MLXIP: variants seen among roughly 807,000 people sequenced by gnomAD.
MLXIP encodes the protein MLX-interacting protein.
In MLXIP, 30 loss-of-function variants were observed where a neutral mutation model predicts 87.2. The observed-to-expected ratio is 0.34, with a 90% CI of 0.26 to 0.47. The LOEUF (loss-of-function observed/expected upper bound fraction) is 0.47. Among genes scored for constraint, MLXIP ranks in the 20% least tolerant of loss-of-function variants. MLXIP has a pLI of 1.00. For missense variants in MLXIP, 1,002 were observed against 1,240.1 expected, an observed-to-expected ratio of 0.81 and a Z score of 2.88; for synonymous variants, 530 against 514.0, an observed-to-expected ratio of 1.03 and a Z score of -0.42.
chr12:122,094,456 TTGG>T (rs1478097603), intron 1 of MLXIP, among the ~76,000 whole-genome samples: 1 of 129,160 alleles, frequency 7.7e-6, no homozygotes, highest in East Asian at 2.4e-4. Context: ...TGGTGTGGTA[TTGG>T]TGTGTGTGTG....
chr12:122,093,657 TTGATATGTGTGTGTGG>T (rs1437387000), intron 1 of MLXIP, among the ~76,000 whole-genome samples: 1 of 121,848 alleles, frequency 8.2e-6, no homozygotes. Flanking sequence ...GGTGTGTGTG[TTGATATGTGTGTGTGG>T]TGTATGTGTG....
rs972197578 is a variant in MLXIP, at chr12:122,137,288, T to C, written c.2033-181T>C. On this transcript the variant is annotated intron_variant, in intron 11 of 16. Transcript: ENST00000319080. This position sits in a 1 kb window ranked among gnomAD's most constrained non-coding sequence, Gnocchi z 4.1. ...AGGGTGTTTTTGTTGTTGTTATTAA[T>C]TTAAGATTTTCAGGGAGTGAATAAG... 1.2e-5 allele frequency: 7 copies of C among 583,472 alleles called. No homozygotes were observed. In the African/African-American group the frequency reaches 1.3e-4, roughly 11 times the overall value. 36.1% of individuals were successfully genotyped at this position (583,472 alleles called of 1,614,324 possible). A position where few individuals can be genotyped will look rare whatever the true frequency, so the allele number is the denominator to read the frequency against.
chr12:122,105,878 C>T (rs967039493), intron 1 of MLXIP, among the ~76,000 whole-genome samples: 2 of 152,050 alleles, frequency 1.3e-5, no homozygotes, highest in African/African-American at 4.8e-5. Flanking sequence ...TACTTTAGAA[C>T]CTGATGTGAC....
Position 122,142,350 on chromosome 12 carries a change from G to A in MLXIP, c.*538G>A, listed in dbSNP as rs1953224927. 1.7e-6 allele frequency: 1 copy of A among 593,380 alleles called. No homozygotes were observed. 36.8% of individuals were successfully genotyped at this position (593,380 alleles called of 1,614,324 possible). On this transcript the variant is annotated 3_prime_UTR_variant, in exon 17 of 17. Coordinates refer to ENST00000319080, the MANE Select transcript of MLXIP (RefSeq NM_014938.6). The stretch of plus-strand genomic sequence containing the variant: ...ACCCAGCCCTTGTGGATGGACTTGG[G>A]CTTCTATTCAGGCTTATGCATGGCA...
intron 1 of MLXIP, among the ~76,000 whole-genome samples, chr12:122,110,448 C>T (rs1337058094): frequency 6.6e-6 from 1 of 151,820 alleles, no homozygotes; most frequent in Non-Finnish European, 1.5e-5. Flanking sequence ...CCACCACGCC[C>T]GGCTAATTTT....
Position 122,146,231 on chromosome 12 carries a change from T to G in MLXIP, c.*4419T>G, listed in dbSNP as rs2031954838. On this transcript the variant is annotated 3_prime_UTR_variant, in exon 17 of 17. Coordinates refer to ENST00000319080, the MANE Select transcript of MLXIP (RefSeq NM_014938.6). ...TCTCTGCTTTGGGGGATTTTTACCT[T>G]GTCTGCACACTTGTCAGGGGAGAGG... 6.6e-6 allele frequency: 1 copy of G among 152,346 alleles called. No homozygotes were observed. Among genetic ancestry groups the G allele is most frequent in the African/African-American group, 2.4e-5 (1 of 41,442 alleles). 9.4% of individuals were successfully genotyped at this position (152,346 alleles called of 1,614,324 possible). A position where few individuals can be genotyped will look rare whatever the true frequency, so the allele number is the denominator to read the frequency against.
Position 122,129,123 on chromosome 12 carries a change from T to C in MLXIP, c.607-14T>C, listed in dbSNP as rs758748485. 1.3e-6 allele frequency: 2 copies of C among 1,598,192 alleles called. No individual in the cohort carries two copies. The highest frequency in any genetic ancestry group is 1.7e-5 in the Admixed American group (1 of 57,636). On this transcript the variant is annotated splice_polypyrimidine_tract_variant and intron_variant, in intron 3 of 16. Transcript: ENST00000319080. ...AGAGCCCCCTCTTCACTCTGCTCTC[T>C]GTCCCTGTCCTAGGCCATCACCACG...
At chr12:122,138,714 C>A in intron 14 of MLXIP, 101 bp from the exon 15 acceptor site, 1 of 1,520,540 alleles carries the variant, frequency 6.6e-7, no homozygotes, top group South Asian at 1.3e-5. Context: ...TTCTCTGTGC[C>A]TGGCTGTGGC....
chr12:122,140,891 C>T (rs563602243), intron 15 of MLXIP, 63 bp from the exon 16 acceptor site: 3 of 1,613,476 alleles, frequency 1.9e-6, no homozygotes, highest in Admixed American at 1.7e-5. Flanking sequence ...AGTCCAACCA[C>T]CTTCGGGTCT....
chr12:122,107,546 C>T (rs1266381912), intron 1 of MLXIP, among the ~76,000 whole-genome samples: 1 of 152,230 alleles, frequency 6.6e-6, no homozygotes, highest in Non-Finnish European at 1.5e-5. Flanking sequence ...ATTCTTTTTA[C>T]TGAGAACCTC....
intron 12 of MLXIP, 47 bp from the exon 13 acceptor site, chr12:122,138,145 AGT>A: frequency 1.3e-6 from 2 of 1,491,138 alleles, no homozygotes; most frequent in Non-Finnish European, 1.8e-6. Context: ...AAGGGTGGAC[AGT>A]GTGCCTGCAA....
chr12:122,134,339 T>TGTGC (rs1240869314), intron 9 of MLXIP: 9 of 288,674 alleles, frequency 3.1e-5, no homozygotes, highest in African/African-American at 9.1e-5. Flanking sequence ...GGATTACAGG[T>TGTGC]GTGCGCCACT....
At position 122,127,879 on chromosome 12, in the gene MLXIP, T is replaced by C; in HGVS notation, c.521-4T>C. The C allele has an allele frequency of 6.2e-7, 1 of 1,613,462 alleles. No homozygotes were observed. Among genetic ancestry groups the C allele is most frequent in the Middle Eastern group, 1.7e-4 (1 of 6,056 alleles). On this transcript the variant is annotated splice_polypyrimidine_tract_variant and splice_region_variant and intron_variant, in intron 2 of 16. Coordinates refer to ENST00000319080, the MANE Select transcript of MLXIP (RefSeq NM_014938.6). ...GTGCTGACTCTCACCCTCTCTCTGC[T>C]CAGATCTGGAGAAGCGCAAGAATCC... is the stretch of plus-strand genomic sequence containing the variant.
In MLXIP at chr12:122,145,759, C is replaced by G. The variant is rs1464551405; in HGVS notation, c.*3947C>G. 6.6e-6 allele frequency: 1 copy of G among 152,482 alleles called. No homozygotes were observed. The highest frequency in any genetic ancestry group is 1.5e-5 in the Non-Finnish European group (1 of 68,318). The allele number at this position is 152,482 out of a possible 1,614,324, so 9.4% of individuals were successfully genotyped here. On this transcript the variant is annotated 3_prime_UTR_variant, in exon 17 of 17. Coordinates refer to ENST00000319080, the MANE Select transcript of MLXIP (RefSeq NM_014938.6). ...CTGGGCCTGTCCCGGGCCAGTGGAC[C>G]CCTGTGTGTGGGGGATTTGGGGTGC...
chr12:122,079,383 C>A (rs558546905), intron 1 of MLXIP, 117 bp downstream of exon 1: 2 of 909,340 alleles, frequency 2.2e-6, no homozygotes, highest in Non-Finnish European at 1.7e-6. Context: ...TTTGGGTCTT[C>A]CTCCTTCGGG....
At chr12:122,085,953 A>G (rs577586306) in intron 1 of MLXIP, among the ~76,000 whole-genome samples, 3 of 152,266 alleles carry the variant, frequency 2.0e-5, no homozygotes, top group African/African-American at 7.2e-5. Context: ...ACATAGGGAG[A>G]TTATCTGGAT....
chr12:122,122,060 G>C (rs887373818), intron 1 of MLXIP, among the ~76,000 whole-genome samples: 1 of 151,302 alleles, frequency 6.6e-6, no homozygotes, highest in Admixed American at 6.6e-5. Flanking sequence ...CCTCTGTTCT[G>C]ATGGGCAGAT....
Position 122,142,015 on chromosome 12 carries a change from C to T in MLXIP, c.*203C>T. On this transcript the variant is annotated 3_prime_UTR_variant, in exon 17 of 17. Coordinates refer to ENST00000319080, the MANE Select transcript of MLXIP (RefSeq NM_014938.6). Reference sequence around the variant, plus strand: ...GACAGCAATAGCCCGCCTTTGGGAACCCCTTGCTGTGAACTCTCTCACTCA... The same window carrying T: ...GACAGCAATAGCCCGCCTTTGGGAATCCCTTGCTGTGAACTCTCTCACTCA... 1.4e-6 allele frequency: 1 copy of T among 735,494 alleles called. No homozygotes were observed. Among genetic ancestry groups the T allele is most frequent in the Non-Finnish European group, 2.2e-6 (1 of 448,660 alleles). 45.6% of individuals were successfully genotyped at this position (735,494 alleles called of 1,614,324 possible).
chr12:122,097,233 A>G (rs1952367358), intron 1 of MLXIP, among the ~76,000 whole-genome samples: 1 of 152,048 alleles, frequency 6.6e-6, no homozygotes, highest in Non-Finnish European at 1.5e-5. Context: ...TGGTGTGATC[A>G]CAGCTCACTG....
Sources: allele counts gnomAD v4.1 joint callset (sites outside exome capture counted in the v4.1 genomes callset), GRCh38; gene constraint gnomAD v4.1.1; non-coding constraint Gnocchi (gnomAD v3.1); transcripts MANE v1.5; gene names NCBI Gene and HGNC (gene_info 2026-07-23, HGNC 2026-07-21).